Variants in PRKG1 observed in about 807,000 individuals in gnomAD.
PRKG1 encodes the protein protein kinase cGMP-dependent 1.
A neutral mutation model predicts 88.1 loss-of-function variants in PRKG1; 35 were observed. The observed-to-expected ratio is 0.40, with a 90% CI of 0.30 to 0.53. The LOEUF (loss-of-function observed/expected upper bound fraction) is 0.53. Among genes scored for constraint, PRKG1 ranks in the 20% least tolerant of loss-of-function variants. The pLI is 0.59. For missense variants in PRKG1, 540 were observed against 839.8 expected (o/e 0.64, Z 4.41); for synonymous variants, 303 against 292.5 (o/e 1.04, Z -0.37).
intron 2 of PRKG1, among the ~76,000 whole-genome samples, chr10:51,366,861 C>G (rs1842600562): frequency 6.6e-6 from 1 of 151,704 alleles, no homozygotes; most frequent in South Asian, 2.1e-4. Context: ...TTTTCTAAGC[C>G]TTGTTGTTTA....
At chr10:51,239,742 G>A (rs1839100645) in intron 2 of PRKG1, among the ~76,000 whole-genome samples, 1 of 152,126 alleles carries the variant, frequency 6.6e-6, no homozygotes, top group Non-Finnish European at 1.5e-5. Flanking sequence ...TAACATAGTA[G>A]TTGAAAGCTT....
chr10:51,444,152 C>A (rs1839202760), intron 2 of PRKG1, among the ~76,000 whole-genome samples: 1 of 150,310 alleles, frequency 6.7e-6, no homozygotes, highest in African/African-American at 2.4e-5. Context: ...ATTATACCAG[C>A]TGTATATTAC....
At chr10:52,184,596 T>C (rs1839136479) in intron 9 of PRKG1, 1 of 152,190 alleles carries the variant, frequency 6.6e-6, no homozygotes, top group Admixed American at 6.5e-5. Context: ...ACATTTCAGG[T>C]GTGCTAGACC....
chr10:51,783,509 T>G (rs1026285800), intron 3 of PRKG1, among the ~76,000 whole-genome samples: 1 of 152,088 alleles, frequency 6.6e-6, no homozygotes, highest in East Asian at 1.9e-4. Flanking sequence ...CTCAAACTCC[T>G]AATTTCAAGT....
At chr10:52,224,204 GA>G (rs1476568379) in intron 9 of PRKG1, among the ~76,000 whole-genome samples, 1 of 151,950 alleles carries the variant, frequency 6.6e-6, no homozygotes, top group African/African-American at 2.4e-5. Flanking sequence ...TCTGCCTTCA[GA>G]GGAGACTGTT....
At chr10:52,104,209 C>T (rs1311511395) in intron 7 of PRKG1, among the ~76,000 whole-genome samples, 1 of 151,706 alleles carries the variant, frequency 6.6e-6, no homozygotes, top group East Asian at 1.9e-4. Flanking sequence ...CATTAATTTA[C>T]TGTTAAACGT....
At chr10:52,140,134 C>G (rs1589642494) in intron 8 of PRKG1, among the ~76,000 whole-genome samples, 2 of 152,076 alleles carry the variant, frequency 1.3e-5, no homozygotes, top group African/African-American at 4.8e-5. Context: ...ATGACCATAC[C>G]GAAAATAAGC....
intron 2 of PRKG1, among the ~76,000 whole-genome samples, chr10:51,256,577 A>C (rs1276745393): frequency 6.6e-6 from 1 of 152,174 alleles, no homozygotes; most frequent in Non-Finnish European, 1.5e-5. Context: ...TTCAGTGAAG[A>C]GGGCCATGAT....
chr10:51,887,930 G>A (rs566639637), intron 4 of PRKG1, among the ~76,000 whole-genome samples: 4 of 152,204 alleles, frequency 2.6e-5, no homozygotes, highest in South Asian at 4.2e-4. Flanking sequence ...TGTTATGCAC[G>A]TTAAATAAAT....
chr10:51,504,010 C>G (rs1480017181), intron 3 of PRKG1, among the ~76,000 whole-genome samples: 1 of 152,060 alleles, frequency 6.6e-6, no homozygotes, highest in Admixed American at 6.6e-5. Context: ...AAAAGTAAGA[C>G]AGAAAGATTA....
At chr10:51,059,786 C>T (rs1215263248) in intron 1 of PRKG1, among the ~76,000 whole-genome samples, 1 of 151,960 alleles carries the variant, frequency 6.6e-6, no homozygotes, top group Admixed American at 6.6e-5. Flanking sequence ...ATGTGTTTTG[C>T]AATTTTGAGA....
chr10:51,263,828 G>A (rs1243906240), intron 2 of PRKG1, among the ~76,000 whole-genome samples: 1 of 152,182 alleles, frequency 6.6e-6, no homozygotes, highest in African/African-American at 2.4e-5. Flanking sequence ...TGAAAGAGAA[G>A]AGTTAGAGGT....
At chr10:51,531,435 T>C (rs1446736564) in intron 3 of PRKG1, among the ~76,000 whole-genome samples, 4 of 152,152 alleles carry the variant, frequency 2.6e-5, no homozygotes, top group Admixed American at 2.0e-4. Context: ...TTGAATCTCA[T>C]GTGTGGTTTC....
intron 2 of PRKG1, among the ~76,000 whole-genome samples, chr10:51,449,320 G>T (rs1343612139): frequency 6.6e-6 from 1 of 151,752 alleles, no homozygotes; most frequent in African/African-American, 2.4e-5. Context: ...CACAGAAAAG[G>T]TCTGATTTCA....
intron 3 of PRKG1, among the ~76,000 whole-genome samples, chr10:51,786,537 C>T (rs1350077310): frequency 1.3e-5 from 2 of 152,066 alleles, no homozygotes; most frequent in East Asian, 3.9e-4. Context: ...ACCACTAGGG[C>T]TAGGTTTGAT....
chr10:52,114,061 G>C (rs922771492), intron 7 of PRKG1, among the ~76,000 whole-genome samples: 1 of 152,096 alleles, frequency 6.6e-6, no homozygotes, highest in Non-Finnish European at 1.5e-5. Flanking sequence ...GGGAGTGGTA[G>C]AGGAGTGTTT....
intron 4 of PRKG1, among the ~76,000 whole-genome samples, chr10:51,857,420 C>T (rs1028927481): frequency 1.3e-5 from 2 of 152,082 alleles, no homozygotes; most frequent in Non-Finnish European, 2.9e-5. Flanking sequence ...GCATAGACAC[C>T]TGCTCGAGGA....
intron 3 of PRKG1, among the ~76,000 whole-genome samples, chr10:51,723,200 A>G (rs1842054284): frequency 6.6e-6 from 1 of 152,218 alleles, no homozygotes; most frequent in African/African-American, 2.4e-5. Flanking sequence ...ACTGTTCACA[A>G]TAAGAAAGAC....
intron 5 of PRKG1, among the ~76,000 whole-genome samples, chr10:51,941,722 C>A (rs890933440): frequency 6.6e-6 from 1 of 150,640 alleles, no homozygotes; most frequent in African/African-American, 2.4e-5. Context: ...TTTGTCCTTG[C>A]GATAGTTCAC....
Sources: allele counts gnomAD v4.1 joint callset (sites outside exome capture counted in the v4.1 genomes callset), GRCh38; gene constraint gnomAD v4.1.1; transcripts MANE v1.5; gene names NCBI Gene and HGNC (gene_info 2026-07-23, HGNC 2026-07-21).